PRKCZ: variants seen among roughly 807,000 people sequenced by gnomAD.
The protein encoded by PRKCZ is protein kinase C zeta, also known as protein kinase C zeta type.
In PRKCZ, 33 loss-of-function variants were observed where a neutral mutation model predicts 79.5. That is an observed-to-expected ratio of 0.41 (90% CI 0.31 to 0.55). The LOEUF is 0.55. PRKCZ is among the 20% of genes least tolerant of loss of function. The pLI is 0.19. For missense variants in PRKCZ, 578 were observed against 813.5 expected (o/e 0.71, Z 3.52); for synonymous variants, 342 against 320.9 (o/e 1.07, Z -0.70).
intron 11 of PRKCZ, among the ~76,000 whole-genome samples, chr1:2,170,572 C>G (rs1684233245): frequency 6.6e-6 from 1 of 152,232 alleles, no homozygotes; most frequent in Admixed American, 6.5e-5. Context: ...GCAGCCACTG[C>G]TGGCCCCCGT....
intron 10 of PRKCZ, among the ~76,000 whole-genome samples, chr1:2,160,032 T>C (rs1341404127): frequency 1.3e-5 from 2 of 152,222 alleles, no homozygotes; most frequent in Admixed American, 1.3e-4. Context: ...ATTCACTCGC[T>C]GTTCTAAAAT....
intron 4 of PRKCZ, among the ~76,000 whole-genome samples, chr1:2,102,008 G>A (rs559422323): frequency 1.2e-4 from 19 of 152,276 alleles, no homozygotes; most frequent in Admixed American, 5.9e-4. Context: ...GCCTTTTCAC[G>A]AGGAAGGATT....
chr1:2,140,549 C>T (rs977419123), intron 5 of PRKCZ, among the ~76,000 whole-genome samples: 2 of 151,948 alleles, frequency 1.3e-5, no homozygotes, highest in African/African-American at 2.4e-5. Flanking sequence ...CCCAGGTACT[C>T]GGTAGGCTGA....
intron 10 of PRKCZ, among the ~76,000 whole-genome samples, chr1:2,158,783 C>T (rs1409342057): frequency 3.3e-5 from 5 of 152,228 alleles, no homozygotes; most frequent in Admixed American, 1.3e-4. Context: ...TGTCAAGTCA[C>T]AAGTTCCCAG....
chr1:2,056,116 G>T (rs550621678), intron 2 of PRKCZ, among the ~76,000 whole-genome samples: 1 of 152,178 alleles, frequency 6.6e-6, no homozygotes, highest in Non-Finnish European at 1.5e-5. Context: ...AGCCCTGCAG[G>T]GCCTGGGTTC....
intron 15 of PRKCZ, 110 bp from the exon 16 acceptor site, chr1:2,175,114 C>G (rs544758308): frequency 1.1e-6 from 1 of 926,412 alleles, no homozygotes; most frequent in East Asian, 2.5e-5. Context: ...CCACCTGGGT[C>G]AGAGCATCGG....
At chr1:2,162,110 CAGAA>C (rs1682442170) in intron 10 of PRKCZ, among the ~76,000 whole-genome samples, 1 of 152,108 alleles carries the variant, frequency 6.6e-6, no homozygotes, top group Non-Finnish European at 1.5e-5. Flanking sequence ...CGTCTGCCTC[CAGAA>C]AGAAAAAGAA....
At chr1:2,107,037 C>T (rs1484168021) in intron 4 of PRKCZ, among the ~76,000 whole-genome samples, 1 of 150,472 alleles carries the variant, frequency 6.6e-6, no homozygotes, top group Non-Finnish European at 1.5e-5. Flanking sequence ...TCGGCTGTCT[C>T]AGTTGTTTAA....
Position 2,179,197 on chromosome 1 carries a change from C to T in PRKCZ, c.1575+3884C>T, listed in dbSNP as rs372271565. ...TGGGCCGTGTCTAGACCCCACCCTC[C>T]GCCGGTCCAGGCACATCCTCAGGCT... On this transcript the variant is annotated intron_variant, in intron 16 of 17. Transcript: ENST00000378567. 1.2e-3 allele frequency among the ~76,000 whole-genome samples: 181 copies of T among 152,348 alleles called. 1 individual carries two copies. Among genetic ancestry groups the T allele is most frequent in the East Asian group, 6.4e-3 (33 of 5,178 alleles).
intron 5 of PRKCZ, among the ~76,000 whole-genome samples, chr1:2,136,745 G>T (rs932551303): frequency 6.6e-6 from 1 of 152,090 alleles, no homozygotes; most frequent in Non-Finnish European, 1.5e-5. Flanking sequence ...CAGAGATCCC[G>T]TCCGCACCCC....
intron 4 of PRKCZ, among the ~76,000 whole-genome samples, chr1:2,105,858 G>A (rs780429421): frequency 8.5e-5 from 13 of 152,216 alleles, no homozygotes; most frequent in Admixed American, 3.3e-4. Flanking sequence ...AGTTGTCATC[G>A]TCGGATGAGA....
chr1:2,104,510 CAG>C lies in PRKCZ; in HGVS notation c.335-30751_335-30750del, dbSNP rs1327158631. 6.6e-5 allele frequency among the ~76,000 whole-genome samples: 10 copies of C among 152,166 alleles called. No homozygotes were observed. In the East Asian group the frequency reaches 1.2e-3, roughly 18 times the overall value. On this transcript the variant is annotated intron_variant, in intron 4 of 17. Transcript: ENST00000378567. ...TGTTCTAGAGGAGTGAGGGGACAGA[CAG>C]GGGAGCCCCAGAGGCATCCAGTGGC...
Position 2,185,014 on chromosome 1 carries a change from G to T in PRKCZ, c.*5G>T. On this transcript the variant is annotated 3_prime_UTR_variant, in exon 18 of 18. Coordinates refer to ENST00000378567, the MANE Select transcript of PRKCZ (RefSeq NM_002744.6). ...TCCACCGAGGAGTCGGTGTGAGGCC[G>T]CGTGCGTCTCTGTCGTGGACACGCG... 1 of 1,609,506 alleles carries T rather than the reference G, an allele frequency of 6.2e-7. No individual in the cohort carries two copies. The highest frequency in any genetic ancestry group is 1.1e-5 in the South Asian group (1 of 90,466).
At chr1:2,166,940 G>A (rs934255850) in intron 10 of PRKCZ, among the ~76,000 whole-genome samples, 1 of 152,278 alleles carries the variant, frequency 6.6e-6, no homozygotes, top group Non-Finnish European at 1.5e-5. Flanking sequence ...ACCAGCGTGA[G>A]GAGAGGAGTG....
intron 1 of PRKCZ, among the ~76,000 whole-genome samples, chr1:2,053,272 T>G (rs1284526355): frequency 6.6e-6 from 1 of 152,120 alleles, no homozygotes; most frequent in Non-Finnish European, 1.5e-5. Context: ...GGTTAACTTT[T>G]GTAGTTTTAG....
At chr1:2,162,608 A>G (rs1682533516) in intron 10 of PRKCZ, among the ~76,000 whole-genome samples, 1 of 151,544 alleles carries the variant, frequency 6.6e-6, no homozygotes, top group South Asian at 2.1e-4. Context: ...TTCCTTGTCT[A>G]ATTATTATTA....
chr1:2,060,735 G>A (rs989160434), intron 4 of PRKCZ, among the ~76,000 whole-genome samples: 4 of 152,300 alleles, frequency 2.6e-5, no homozygotes, highest in African/African-American at 4.8e-5. Context: ...TGGACCTGCC[G>A]GCAGGAGGAG....
Position 2,120,176 on chromosome 1 carries a change from A to G in PRKCZ, c.335-15086A>G, listed in dbSNP as rs562892460. ...TTAAAAGTGTTTTCATCACAACAGC[A>G]GCCTTGTGAAGGACAGAGGAATCGA... On this transcript the variant is annotated intron_variant, in intron 4 of 17. Coordinates refer to ENST00000378567, the MANE Select transcript of PRKCZ (RefSeq NM_002744.6). Among the ~76,000 whole-genome samples the G allele has an allele frequency of 7.9e-5, 12 of 151,966 alleles. No individual in the cohort carries two copies. In the East Asian group the frequency reaches 1.7e-3, roughly 22 times the overall value.
intron 4 of PRKCZ, among the ~76,000 whole-genome samples, chr1:2,093,006 C>T (rs1557539998): frequency 1.3e-5 from 2 of 152,354 alleles, no homozygotes; most frequent in East Asian, 3.9e-4. Context: ...GGACCGGGTG[C>T]CACCTCACCC....
Sources: allele counts gnomAD v4.1 joint callset (sites outside exome capture counted in the v4.1 genomes callset), GRCh38; gene constraint gnomAD v4.1.1; transcripts MANE v1.5; gene names NCBI Gene and HGNC (gene_info 2026-07-23, HGNC 2026-07-21).